Variants in AXDND1 observed in about 807,000 individuals in gnomAD.
AXDND1 encodes axonemal dynein light chain domain containing 1.
Under a neutral mutation model 137.5 loss-of-function variants are expected in AXDND1, and 110 were observed. That is an observed-to-expected ratio of 0.80 (90% confidence interval 0.69 to 0.94). The LOEUF (loss-of-function observed/expected upper bound fraction) is 0.94. Among genes scored for constraint, AXDND1 ranks in the 40% least tolerant of loss-of-function variants. AXDND1 has a pLI of 0.00. For synonymous variants in AXDND1, 414 were observed against 399.7 expected, an observed-to-expected ratio of 1.04 and a Z score of -0.43; for missense variants, 1,191 against 1,169.8, an observed-to-expected ratio of 1.02 and a Z score of -0.26.
At chr1:179,444,848 A>G in intron 15 of AXDND1, 122 bp from the exon 16 acceptor site, 2 of 578,470 alleles carry the variant, frequency 3.5e-6, no homozygotes, top group South Asian at 2.7e-5. Context: ...TTTGGAGCAT[A>G]ATAATAATAG....
intron 17 of AXDND1, among the ~76,000 whole-genome samples, chr1:179,477,215 T>C (rs573568972): frequency 7.9e-5 from 12 of 152,346 alleles, no homozygotes; most frequent in Admixed American, 2.6e-4. Context: ...TATTTTTAAT[T>C]TCTATTCTCT....
Position 179,401,048 on chromosome 1 carries a change from C to T in AXDND1, c.1109+5846C>T, listed in dbSNP as rs144758117. On this transcript the variant is annotated intron_variant, in intron 11 of 25. Coordinates refer to ENST00000367618, the MANE Select transcript of AXDND1 (RefSeq NM_144696.6). ...TCAAAGCGGGTGGATCAGCTGAGGTCGGGAGTTCGAGACCAGCCTGACCAA... is the reference window on the plus strand; with the variant it reads ...TCAAAGCGGGTGGATCAGCTGAGGTTGGGAGTTCGAGACCAGCCTGACCAA... 2.9e-3 allele frequency among the ~76,000 whole-genome samples: 435 copies of T among 151,380 alleles called. 21 individuals carry two copies. In the East Asian group the frequency reaches 0.063, roughly 22 times the overall value.
rs924042947 is a variant in AXDND1 at position 179,468,544 on chromosome 1, G to T, written c.1900G>T (p.Glu634Ter). Reference protein sequence around the residue: ...FPDTPLEEWQEIDEKINEMKS... With the variant: ...FPDTPLEEWQ ...TGATACGCCTCTTGAAGAATGGCAG[G>T]AAATAGATGAAAAAATTAATGAAAT... The change falls in exon 17 of 26, where the codon GAA becomes TAA. Residue 634 changes from glutamate to a stop codon, truncating the protein, a stop_gained. Transcript: ENST00000367618. LOFTEE classifies it high-confidence loss of function. 2 of 1,612,484 alleles carry T rather than the reference G, an allele frequency of 1.2e-6. No homozygotes were observed. The highest frequency in any genetic ancestry group is 1.7e-6 in the Non-Finnish European group (2 of 1,179,232).
chr1:179,429,228 C>T (rs557892566), intron 12 of AXDND1, among the ~76,000 whole-genome samples: 1 of 152,054 alleles, frequency 6.6e-6, no homozygotes, highest in South Asian at 2.1e-4. Flanking sequence ...TCAATAGATG[C>T]ATTCCATATA....
At chr1:179,551,363 A>G (rs751299365) in intron 25 of AXDND1, 1 of 1,614,138 alleles carries the variant, frequency 6.2e-7, no homozygotes, top group Non-Finnish European at 8.5e-7. Flanking sequence ...GAGGTATCGA[A>G]GCTGAACGGC....
Position 179,420,969 on chromosome 1 carries a change from C to T in AXDND1, c.1231-8549C>T, listed in dbSNP as rs145011084. On this transcript the variant is annotated intron_variant, in intron 12 of 25. Transcript: ENST00000367618. ...CATAGTTGTTTGTAAGTCTCTAATGCTTCTTTGTATTCCTGTGGTCTCAGT... is the reference window on the plus strand; with the variant it reads ...CATAGTTGTTTGTAAGTCTCTAATGTTTCTTTGTATTCCTGTGGTCTCAGT... Among the ~76,000 whole-genome samples, 202 of 152,222 alleles carry T rather than the reference C, an allele frequency of 1.3e-3. 1 individual carries two copies. The highest frequency in any genetic ancestry group is 4.7e-3 in the African/African-American group (195 of 41,524).
chr1:179,395,978 G>A (rs1219293800), intron 11 of AXDND1, among the ~76,000 whole-genome samples: 1 of 151,864 alleles, frequency 6.6e-6, no homozygotes. Flanking sequence ...AGACTAGCCT[G>A]GCCAACATGG....
At position 179,531,588 on chromosome 1, in the gene AXDND1, A is replaced by G. The variant is rs138657712; in HGVS notation, c.2716-2207A>G. ...CAAACAGAAGGGGCCTAATTGTGCT[A>G]TTCTAGTAGGGGACGAGGTTGATTG... is the stretch of plus-strand genomic sequence containing the variant. On this transcript the variant is annotated intron_variant, in intron 23 of 25. Transcript: ENST00000367618. 5.3e-5 allele frequency among the ~76,000 whole-genome samples: 8 copies of G among 152,248 alleles called. No homozygotes were observed. The East Asian group carries it at 1.5e-3, about 29-fold the overall frequency.
intron 9 of AXDND1, among the ~76,000 whole-genome samples, chr1:179,390,750 C>CT (rs35768244): frequency 3.2e-4 from 48 of 150,504 alleles, no homozygotes; most frequent in South Asian, 1.5e-3. Flanking sequence ...GCCTAGATTC[C>CT]TTTTTTTTTC....
At chr1:179,422,381 A>G (rs900873770) in intron 12 of AXDND1, among the ~76,000 whole-genome samples, 1 of 152,158 alleles carries the variant, frequency 6.6e-6, no homozygotes, top group Non-Finnish European at 1.5e-5. Context: ...CTTGATTCCT[A>G]CATTGACCAT....
chr1:179,445,894 A>T (rs1460954335), intron 16 of AXDND1, among the ~76,000 whole-genome samples: 1 of 152,094 alleles, frequency 6.6e-6, no homozygotes, highest in Non-Finnish European at 1.5e-5. Flanking sequence ...TTTGATAACT[A>T]TATCTTTAAC....
intron 10 of AXDND1, 77 bp from the exon 11 acceptor site, chr1:179,395,021 T>C: frequency 7.9e-7 from 1 of 1,270,720 alleles, no homozygotes; most frequent in Non-Finnish European, 1.1e-6. Context: ...GATTCCTGAA[T>C]ATAAATCTGA....
intron 21 of AXDND1, among the ~76,000 whole-genome samples, chr1:179,511,416 GTGTGTGTA>G (rs1442063820): frequency 6.6e-6 from 1 of 150,790 alleles, no homozygotes; most frequent in African/African-American, 2.4e-5. Flanking sequence ...GTGTGTGTGT[GTGTGTGTA>G]TATGTATATA....
chr1:179,433,383 A>T (rs1657673649), intron 15 of AXDND1, among the ~76,000 whole-genome samples: 1 of 151,880 alleles, frequency 6.6e-6, no homozygotes, highest in African/African-American at 2.4e-5. Flanking sequence ...CTCTGATCTT[A>T]GTTGTTTCTT....
intron 11 of AXDND1, among the ~76,000 whole-genome samples, chr1:179,410,816 TATG>T (rs1296484795): frequency 1.3e-5 from 2 of 152,246 alleles, no homozygotes; most frequent in African/African-American, 4.8e-5. Context: ...TTTCATTAGA[TATG>T]GTGTTATTAT....
intron 12 of AXDND1, among the ~76,000 whole-genome samples, chr1:179,414,196 CA>C (rs543644112): frequency 3.1e-5 from 2 of 64,838 alleles, no homozygotes; most frequent in East Asian, 5.5e-4. Context: ...AAGATAAATA[CA>C]AAAAAAAACC....
chr1:179,537,520 G>A (rs552815328), intron 25 of AXDND1, among the ~76,000 whole-genome samples: 37 of 152,318 alleles, frequency 2.4e-4, no homozygotes, highest in African/African-American at 7.5e-4. Context: ...TGCTGAACCA[G>A]CCTTGCATCC....
At chr1:179,503,855 C>G (rs1391285999) in intron 20 of AXDND1, among the ~76,000 whole-genome samples, 1 of 152,076 alleles carries the variant, frequency 6.6e-6, no homozygotes, top group Non-Finnish European at 1.5e-5. Context: ...TGCAGACTTT[C>G]AAGGAGTAGG....
At chr1:179,436,643 G>A (rs902995091) in intron 15 of AXDND1, among the ~76,000 whole-genome samples, 1 of 152,112 alleles carries the variant, frequency 6.6e-6, no homozygotes, top group Non-Finnish European at 1.5e-5. Context: ...TGAACAATGA[G>A]CACACATGGA....
Sources: gnomAD v4.1 joint callset for allele counts (sites outside exome capture counted in the v4.1 genomes callset) on GRCh38, gnomAD v4.1.1 for gene constraint, MANE v1.5 for transcripts, NCBI Gene and HGNC (gene_info 2026-07-23, HGNC 2026-07-21) for gene names.